The following KCNQ1 variants were observed in gnomAD, a reference collection of about 807,000 sequenced individuals.
The protein encoded by KCNQ1 is potassium voltage-gated channel subfamily Q member 1.
In KCNQ1, 49 loss-of-function variants were observed where a neutral mutation model predicts 72.4. The ratio of observed to expected loss-of-function variants is 0.68; its 90% CI spans 0.54 to 0.86. KCNQ1 has a LOEUF of 0.86. KCNQ1 is among the 40% of genes least tolerant of loss of function. The probability of loss-of-function intolerance (pLI) is 0.00; values close to 1 mark genes in which losing one functional copy is unlikely to be tolerated. For missense variants in KCNQ1, 790 were observed against 945.1 expected, an observed-to-expected ratio of 0.84 and a Z score of 2.15; for synonymous variants, 450 against 412.6, an observed-to-expected ratio of 1.09 and a Z score of -1.10.
Position 2,652,896 on chromosome 11 carries a change from G to A in KCNQ1, c.1394-9065G>A, listed in dbSNP as rs1196237540. The A allele has an allele frequency of 2.5e-6, 1 of 398,508 alleles. No homozygotes were observed. The highest frequency in any genetic ancestry group is 4.4e-6 in the Non-Finnish European group (1 of 226,122). The allele number at this position is 398,508 out of a possible 1,614,324, so 24.7% of individuals were successfully genotyped here. A position where few individuals can be genotyped will look rare whatever the true frequency, so the allele number is the denominator to read the frequency against. On this transcript the variant is annotated intron_variant, in intron 10 of 15. Transcript: ENST00000155840. The surrounding 1 kb of genome is among the most constrained non-coding windows in gnomAD (Gnocchi z 5.9). ...AGAAGTGTTTGGGGTGTGGGGTGTG[G>A]TCCTCAGTATCCTAAACTTAGGTTT...
rs1349793653 is a variant in KCNQ1 at position 2,492,190 on chromosome 11, T to C, written c.387-35738T>C. ...AGAAATACAAATAGTATTATAACAC[T>C]GTAATTATGGTGTGTAAACTACTCA... is the stretch of plus-strand genomic sequence containing the variant. On this transcript the variant is annotated intron_variant, in intron 1 of 15. Transcript: ENST00000155840. This position sits in a 1 kb window ranked among gnomAD's most constrained non-coding sequence, Gnocchi z 4.1. 1.3e-5 allele frequency among the ~76,000 whole-genome samples: 2 copies of C among 152,166 alleles called. No individual in the cohort carries two copies. The highest frequency in any genetic ancestry group is 4.8e-5 in the African/African-American group (2 of 41,432).
intron 11 of KCNQ1, among the ~76,000 whole-genome samples, chr11:2,747,810 G>T (rs1846163728): frequency 6.6e-6 from 1 of 152,092 alleles, no homozygotes; most frequent in Admixed American, 6.5e-5. Context: ...AGGAGGTGGT[G>T]GGAAGAGGCA....
At chr11:2,514,859 T>C (rs1262484594) in intron 1 of KCNQ1, among the ~76,000 whole-genome samples, 1 of 152,122 alleles carries the variant, frequency 6.6e-6, no homozygotes, top group Non-Finnish European at 1.5e-5. Context: ...GAGGAGGGAC[T>C]TTCCCAAGTA....
intron 15 of KCNQ1, among the ~76,000 whole-genome samples, chr11:2,797,703 C>T (rs1217590676): frequency 6.6e-6 from 1 of 152,192 alleles, no homozygotes; most frequent in Non-Finnish European, 1.5e-5. Flanking sequence ...CGTACTTCCT[C>T]CATTCTGCCC....
chr11:2,697,748 A>T, intron 11 of KCNQ1: 1 of 398,600 alleles, frequency 2.5e-6, no homozygotes, highest in Non-Finnish European at 4.4e-6. Context: ...TGTTTAATAC[A>T]TATTATTGGA....
In KCNQ1 at chr11:2,800,613, C is replaced by T. The variant is rs149168883; in HGVS notation, c.1794+22576C>T. On this transcript the variant is annotated intron_variant, in intron 15 of 15. Transcript: ENST00000155840. ...GAACCGGGGGCCAGAGCAGCTGTGGCCGTGAAGGTTCCAAGCTTGAAGTGG... is the reference window on the plus strand; with the variant it reads ...GAACCGGGGGCCAGAGCAGCTGTGGTCGTGAAGGTTCCAAGCTTGAAGTGG... 1.2e-4 allele frequency among the ~76,000 whole-genome samples: 18 copies of T among 152,322 alleles called. No individual in the cohort carries two copies. The East Asian group carries it at 2.1e-3, about 18-fold the overall frequency.
rs1847880261 is a variant in KCNQ1, at chr11:2,544,680, A to T, written c.477+16662A>T. ...TTATCTTGAATCTTGCAACCTTTCT[A>T]AACTCATTTGTTCCAGTGGCTTTTG... On this transcript the variant is annotated intron_variant, in intron 2 of 15. Transcript: ENST00000155840. This position sits in a 1 kb window ranked among gnomAD's most constrained non-coding sequence, Gnocchi z 4.4. Among the ~76,000 whole-genome samples, 1 of 152,224 alleles carries T rather than the reference A, an allele frequency of 6.6e-6. No homozygotes were observed. The highest frequency in any genetic ancestry group is 6.5e-5 in the Admixed American group (1 of 15,290).
At chr11:2,757,372 CATGTAAAG>C (rs1248783400) in intron 11 of KCNQ1, among the ~76,000 whole-genome samples, 3 of 152,074 alleles carry the variant, frequency 2.0e-5, no homozygotes, top group Non-Finnish European at 4.4e-5. Context: ...TTTAACAAAA[CATGTAAAG>C]ATGTATATAC....
In KCNQ1 at chr11:2,547,050, A is replaced by G. The variant is rs1008858182; in HGVS notation, c.477+19032A>G. ...TGAGTCTTATTTTGTGAGTCAAACT[A>G]TTTTTCTCCTGAAAAGTACAGCTAA... On this transcript the variant is annotated intron_variant, in intron 2 of 15. Coordinates refer to ENST00000155840, the MANE Select transcript of KCNQ1 (RefSeq NM_000218.3). This position sits in a 1 kb window ranked among gnomAD's most constrained non-coding sequence, Gnocchi z 4.2. 4.6e-5 allele frequency among the ~76,000 whole-genome samples: 7 copies of G among 152,224 alleles called. No individual in the cohort carries two copies. The highest frequency in any genetic ancestry group is 1.7e-4 in the African/African-American group (7 of 41,528).
In KCNQ1 at chr11:2,462,255, A is replaced by G. The variant is rs947414749; in HGVS notation, c.386+16771A>G. 6.6e-6 allele frequency among the ~76,000 whole-genome samples: 1 copy of G among 152,104 alleles called. No homozygotes were observed. The highest frequency in any genetic ancestry group is 2.4e-5 in the African/African-American group (1 of 41,412). ...CTTGGGGCTGCCAGGCCTGCAAGGT[A>G]GACAGGCCTCTGGACTTGAGTGTGG... is the stretch of plus-strand genomic sequence containing the variant. On this transcript the variant is annotated intron_variant, in intron 1 of 15. Transcript: ENST00000155840. This position sits in a 1 kb window ranked among gnomAD's most constrained non-coding sequence, Gnocchi z 8.2.
chr11:2,819,455 C>A (rs551507718), intron 15 of KCNQ1, among the ~76,000 whole-genome samples: 1 of 152,338 alleles, frequency 6.6e-6, no homozygotes, highest in African/African-American at 2.4e-5. Flanking sequence ...CAGCAGGGTC[C>A]AAACACCAGG....
At chr11:2,596,522 T>C (rs1848735062) in intron 10 of KCNQ1, among the ~76,000 whole-genome samples, 1 of 151,652 alleles carries the variant, frequency 6.6e-6, no homozygotes, top group Admixed American at 6.6e-5. Context: ...TACAAAGGAA[T>C]GAACCACTGA....
chr11:2,838,979 C>G (rs920306687), intron 15 of KCNQ1, among the ~76,000 whole-genome samples: 1 of 151,972 alleles, frequency 6.6e-6, no homozygotes, highest in African/African-American at 2.4e-5. Flanking sequence ...AAACAGAGGC[C>G]GATGGGACGA....
At chr11:2,521,549 G>A (rs775895629) in intron 1 of KCNQ1, 57 of 470,650 alleles carry the variant, frequency 1.2e-4, no homozygotes, top group Middle Eastern at 6.5e-4. Flanking sequence ...TACACGCCCC[G>A]GGGTTTCAGC....
chr11:2,674,002 C>T lies in KCNQ1; in HGVS notation c.1514+11921C>T, dbSNP rs1850239298. ...TTGGGGGTGGGGTGGGGGGAGGGCC[C>T]TCCGTGCTTTCTGGCTCTTTGGGCC... is the stretch of plus-strand genomic sequence containing the variant. On this transcript the variant is annotated intron_variant, in intron 11 of 15. Transcript: ENST00000155840. This position sits in a 1 kb window ranked among gnomAD's most constrained non-coding sequence, Gnocchi z 5.9. The T allele has an allele frequency of 5.0e-6, 2 of 397,944 alleles. No individual in the cohort carries two copies. Among genetic ancestry groups the T allele is most frequent in the Admixed American group, 4.4e-5 (1 of 22,672 alleles). 24.7% of individuals were successfully genotyped at this position (397,944 alleles called of 1,614,324 possible).
chr11:2,573,009 T>C, intron 6 of KCNQ1, 23 bp downstream of exon 6: 1 of 1,610,908 alleles, frequency 6.2e-7, no homozygotes, highest in Non-Finnish European at 8.5e-7. Context: ...CTTCCAGGCA[T>C]GGGGACAGGG....
chr11:2,743,762 G>C (rs1227198531), intron 11 of KCNQ1, among the ~76,000 whole-genome samples: 1 of 152,230 alleles, frequency 6.6e-6, no homozygotes, highest in Non-Finnish European at 1.5e-5. Context: ...ACAGGCCTTT[G>C]AGCCTAAAAG....
At chr11:2,799,399 T>TGTGTGTGTGTGTGG (rs1554924611) in intron 15 of KCNQ1, among the ~76,000 whole-genome samples, 1 of 151,432 alleles carries the variant, frequency 6.6e-6, no homozygotes, top group East Asian at 1.9e-4. Context: ...TGTGTGTGTG[T>TGTGTGTGTGTGTGG]GTGGTGTGGT....
chr11:2,800,933 C>T (rs1213989310), intron 15 of KCNQ1, among the ~76,000 whole-genome samples: 2 of 152,112 alleles, frequency 1.3e-5, no homozygotes, highest in Non-Finnish European at 2.9e-5. Context: ...GACAGGGTCT[C>T]AGAGCCCATT....
Sources: allele counts gnomAD v4.1 joint callset (sites outside exome capture counted in the v4.1 genomes callset), GRCh38; gene constraint gnomAD v4.1.1; non-coding constraint Gnocchi (gnomAD v3.1); transcripts MANE v1.5; gene names NCBI Gene and HGNC (gene_info 2026-07-23, HGNC 2026-07-21).